Variants in HS3ST4 observed in about 807,000 individuals in gnomAD.
HS3ST4 encodes the protein heparan sulfate-glucosamine 3-sulfotransferase 4, also known as heparan sulfate glucosamine 3-O-sulfotransferase 4.
In HS3ST4, 17 loss-of-function variants were observed where a neutral mutation model predicts 29.2. The ratio of observed to expected loss-of-function variants is 0.58; its 90% CI spans 0.40 to 0.87. The LOEUF is 0.87. HS3ST4 is among the 40% of genes least tolerant of loss of function. The probability of loss-of-function intolerance (pLI) is 0.00; values close to 1 mark genes in which losing one functional copy is unlikely to be tolerated. For synonymous variants in HS3ST4, 314 were observed against 285.7 expected (o/e 1.10, Z -1.00); for missense variants, 627 against 634.5 (o/e 0.99, Z 0.13).
At chr16:25,756,128 ACAC>A (rs973038834) in intron 1 of HS3ST4, among the ~76,000 whole-genome samples, 1 of 46,702 alleles carries the variant, frequency 2.1e-5, no homozygotes, top group Non-Finnish European at 3.7e-5. Flanking sequence ...ACACACACAT[ACAC>A]ACACACACAC....
intron 1 of HS3ST4, among the ~76,000 whole-genome samples, chr16:25,995,695 G>A (rs1969153572): frequency 6.6e-6 from 1 of 152,122 alleles, no homozygotes; most frequent in African/African-American, 2.4e-5. Flanking sequence ...AGAACAGGCA[G>A]GAAAATGCAT....
At chr16:25,969,658 C>T (rs768092660) in intron 1 of HS3ST4, among the ~76,000 whole-genome samples, 27 of 152,092 alleles carry the variant, frequency 1.8e-4, no homozygotes, top group East Asian at 5.8e-4. Flanking sequence ...TGGTACCTTA[C>T]GGGCTCATGT....
At chr16:25,904,163 AATGGATGG>A (rs111988239) in intron 1 of HS3ST4, among the ~76,000 whole-genome samples, 34,859 of 128,656 alleles carry the variant, frequency 0.27, 4,217 homozygotes, top group East Asian at 0.35. Context: ...TGAATGGATG[AATGGATGG>A]ATGGATGGAT....
intron 1 of HS3ST4, among the ~76,000 whole-genome samples, chr16:26,134,174 C>T (rs1262427140): frequency 6.6e-6 from 1 of 151,956 alleles, no homozygotes; most frequent in Non-Finnish European, 1.5e-5. Flanking sequence ...GAGGAGCAGC[C>T]TTAGCAAAGG....
At chr16:26,078,107 G>A (rs1328853465) in intron 1 of HS3ST4, among the ~76,000 whole-genome samples, 2 of 152,098 alleles carry the variant, frequency 1.3e-5, no homozygotes, top group African/African-American at 4.8e-5. Flanking sequence ...TGTCACTGTG[G>A]GCTGGGATGT....
chr16:25,759,067 C>CA (rs1335863856), intron 1 of HS3ST4, among the ~76,000 whole-genome samples: 2 of 151,730 alleles, frequency 1.3e-5, no homozygotes, highest in African/African-American at 4.8e-5. Flanking sequence ...GCCAGGGAAA[C>CA]AGAGGGGCCT....
chr16:25,949,065 A>T (rs940013639), intron 1 of HS3ST4, among the ~76,000 whole-genome samples: 1 of 151,740 alleles, frequency 6.6e-6, no homozygotes, highest in Non-Finnish European at 1.5e-5. Context: ...TTTTTTTTAA[A>T]GTATTTTTAG....
intron 1 of HS3ST4, among the ~76,000 whole-genome samples, chr16:25,962,712 T>G (rs896750428): frequency 6.6e-6 from 1 of 152,172 alleles, no homozygotes; most frequent in East Asian, 1.9e-4. Flanking sequence ...AGGTGGATAC[T>G]TAGCCCTCTC....
intron 1 of HS3ST4, among the ~76,000 whole-genome samples, chr16:25,932,890 G>A (rs1968479937): frequency 2.0e-5 from 3 of 152,152 alleles, no homozygotes; most frequent in South Asian, 2.1e-4. Context: ...TGAAATTTAG[G>A]TGCTGAGTTT....
At chr16:25,928,320 G>A (rs749996250) in intron 1 of HS3ST4, among the ~76,000 whole-genome samples, 12 of 150,908 alleles carry the variant, frequency 8.0e-5, no homozygotes, top group Non-Finnish European at 1.5e-4. Flanking sequence ...AGCTATGATT[G>A]CACCATTGCA....
At position 26,043,897 on chromosome 16, in the gene HS3ST4, C is replaced by G. The variant is rs575274259; in HGVS notation, c.735-91715C>G. ...CCCTCTTCATTCTCCCTGCCACTAC[C>G]TCAGCCCAGGCCCTTACTAGCATTT... On this transcript the variant is annotated intron_variant, in intron 1 of 1. Transcript: ENST00000331351. 2.6e-5 allele frequency among the ~76,000 whole-genome samples: 4 copies of G among 152,324 alleles called. No homozygotes were observed. The East Asian group carries it at 7.7e-4, about 29-fold the overall frequency.
rs1967556038 is a variant in HS3ST4 at position 25,854,555 on chromosome 16, A to G, written c.734+161404A>G. Among the ~76,000 whole-genome samples, 6 of 151,972 alleles carry G rather than the reference A, an allele frequency of 3.9e-5. No homozygotes were observed. The South Asian group carries it at 1.2e-3, about 32-fold the overall frequency. On this transcript the variant is annotated intron_variant, in intron 1 of 1. Coordinates refer to ENST00000331351, the MANE Select transcript of HS3ST4 (RefSeq NM_006040.3). ...CTCATCCTGTGACTTAGAATGCCTA[A>G]CCTCCTGGGAATGCAGCCCAGTAGG...
At chr16:26,022,931 A>G (rs1195797458) in intron 1 of HS3ST4, among the ~76,000 whole-genome samples, 2 of 152,158 alleles carry the variant, frequency 1.3e-5, no homozygotes, top group Non-Finnish European at 2.9e-5. Context: ...AATCCCAGCT[A>G]CTGGGGAGGC....
intron 1 of HS3ST4, among the ~76,000 whole-genome samples, chr16:26,038,961 G>T (rs1305841271): frequency 1.3e-5 from 2 of 152,030 alleles, no homozygotes; most frequent in African/African-American, 4.8e-5. Flanking sequence ...GGGATTACAG[G>T]CATGAGCCAC....
intron 1 of HS3ST4, among the ~76,000 whole-genome samples, chr16:25,970,813 A>C (rs1327797819): frequency 6.6e-6 from 1 of 151,660 alleles, no homozygotes; most frequent in Non-Finnish European, 1.5e-5. Context: ...CATTCCTTTC[A>C]CAGGGGCACC....
intron 1 of HS3ST4, among the ~76,000 whole-genome samples, chr16:25,875,887 T>C (rs1052934810): frequency 6.6e-6 from 1 of 152,140 alleles, no homozygotes; most frequent in Non-Finnish European, 1.5e-5. Context: ...CCCACCAGAT[T>C]GATGGATACA....
At chr16:25,893,936 C>A (rs1033317383) in intron 1 of HS3ST4, among the ~76,000 whole-genome samples, 4 of 152,186 alleles carry the variant, frequency 2.6e-5, no homozygotes, top group African/African-American at 9.7e-5. Flanking sequence ...ATCAGGCCAG[C>A]CAGTAGAGGA....
At chr16:25,977,206 C>T (rs534842322) in intron 1 of HS3ST4, among the ~76,000 whole-genome samples, 66 of 152,126 alleles carry the variant, frequency 4.3e-4, no homozygotes, top group Non-Finnish European at 7.8e-4. Flanking sequence ...GACTAATTCT[C>T]GCTTTGCATG....
At chr16:25,814,349 T>G (rs1172124052) in intron 1 of HS3ST4, among the ~76,000 whole-genome samples, 1 of 151,990 alleles carries the variant, frequency 6.6e-6, no homozygotes, top group African/African-American at 2.4e-5. Context: ...TTGTTTTTTT[T>G]TGGCGGGGGC....
Sources: gnomAD v4.1 joint callset for allele counts (sites outside exome capture counted in the v4.1 genomes callset) on GRCh38, gnomAD v4.1.1 for gene constraint, MANE v1.5 for transcripts, NCBI Gene and HGNC (gene_info 2026-07-23, HGNC 2026-07-21) for gene names.